CNTN1: variants seen among roughly 807,000 people sequenced by gnomAD.
The protein encoded by CNTN1 is contactin 1, also known as contactin-1.
Under a neutral mutation model 126.4 loss-of-function variants are expected in CNTN1, and 38 were observed. The observed-to-expected ratio is 0.30, with a 90% CI of 0.23 to 0.39. The LOEUF (loss-of-function observed/expected upper bound fraction) is 0.39. CNTN1 is among the 10% of genes least tolerant of loss of function. The probability of loss-of-function intolerance (pLI) is 1.00; values close to 1 mark genes in which losing one functional copy is unlikely to be tolerated. For synonymous variants in CNTN1, 413 were observed against 422.6 expected (o/e 0.98, Z 0.28); for missense variants, 1,009 against 1,248.4 (o/e 0.81, Z 2.89).
chr12:40,926,703 G>T (rs1046143066), intron 6 of CNTN1, among the ~76,000 whole-genome samples: 1 of 151,940 alleles, frequency 6.6e-6, no homozygotes, highest in South Asian at 2.1e-4. Flanking sequence ...GGGCCAGAGT[G>T]GTGGCAGTGG....
At chr12:40,752,018 ATCT>A (rs1285225692) in intron 1 of CNTN1, among the ~76,000 whole-genome samples, 2 of 151,992 alleles carry the variant, frequency 1.3e-5, no homozygotes, top group African/African-American at 4.8e-5. Context: ...AATTTTTTTC[ATCT>A]TCTTGATGTT....
intron 1 of CNTN1, 26 bp from the exon 2 acceptor site, chr12:40,908,328 CCTT>C (rs749092949): frequency 7.7e-5 from 61 of 797,118 alleles, no homozygotes; most frequent in South Asian, 2.6e-4. Context: ...CTAATTCTTT[CCTT>C]CTTCTTCTTT....
chr12:40,780,173 G>T (rs1239136424), intron 1 of CNTN1, among the ~76,000 whole-genome samples: 1 of 151,870 alleles, frequency 6.6e-6, no homozygotes, highest in African/African-American at 2.4e-5. Flanking sequence ...AATTCTCTGT[G>T]AATTTTGTAA....
intron 23 of CNTN1, among the ~76,000 whole-genome samples, chr12:41,032,139 G>T (rs1452755824): frequency 6.6e-6 from 1 of 152,090 alleles, no homozygotes; most frequent in African/African-American, 2.4e-5. Context: ...ATCTCTGCCT[G>T]GCCCTGCTGC....
chr12:40,865,409 A>C (rs1344656044), intron 1 of CNTN1, among the ~76,000 whole-genome samples: 12 of 152,148 alleles, frequency 7.9e-5, no homozygotes, highest in Non-Finnish European at 1.5e-5. Flanking sequence ...CTATGTAAGA[A>C]ATTTTGGCCT....
At chr12:40,703,226 C>T (rs1477453752) in intron 1 of CNTN1, among the ~76,000 whole-genome samples, 1 of 152,016 alleles carries the variant, frequency 6.6e-6, no homozygotes, top group Non-Finnish European at 1.5e-5. Context: ...ATAAATGAAG[C>T]ATAGCTGTGT....
At chr12:40,973,155 G>T (rs1248020833) in intron 15 of CNTN1, among the ~76,000 whole-genome samples, 1 of 151,738 alleles carries the variant, frequency 6.6e-6, no homozygotes, top group Non-Finnish European at 1.5e-5. Flanking sequence ...TTTCTAACTG[G>T]GATCTAAATT....
intron 1 of CNTN1, among the ~76,000 whole-genome samples, chr12:40,730,116 C>A (rs192507803): frequency 6.6e-6 from 1 of 152,284 alleles, no homozygotes; most frequent in African/African-American, 2.4e-5. Context: ...CCTTTCAGTG[C>A]TGTCCCCTCC....
intron 7 of CNTN1, among the ~76,000 whole-genome samples, chr12:40,931,053 A>G (rs889072855): frequency 6.6e-6 from 1 of 151,842 alleles, no homozygotes; most frequent in African/African-American, 2.4e-5. Context: ...CCCTCGCTCA[A>G]GCTAAGTTCT....
At chr12:40,839,294 A>G (rs1942188709) in intron 1 of CNTN1, among the ~76,000 whole-genome samples, 1 of 152,200 alleles carries the variant, frequency 6.6e-6, no homozygotes, top group Non-Finnish European at 1.5e-5. Context: ...ACATAAAACC[A>G]TTGGATAGTC....
chr12:41,025,047 A>G (rs1461568671), intron 20 of CNTN1, 103 bp from the exon 21 acceptor site: 2 of 1,085,794 alleles, frequency 1.8e-6, no homozygotes, highest in African/African-American at 3.1e-5. Context: ...TGAAAATATG[A>G]TGATCAGCCA....
At chr12:40,930,253 C>T (rs1314658992) in intron 7 of CNTN1, among the ~76,000 whole-genome samples, 1 of 151,940 alleles carries the variant, frequency 6.6e-6, no homozygotes, top group Non-Finnish European at 1.5e-5. Flanking sequence ...ACACAGGGGA[C>T]TGATACCTTA....
intron 1 of CNTN1, among the ~76,000 whole-genome samples, chr12:40,842,485 A>G (rs1342262752): frequency 6.6e-6 from 1 of 152,128 alleles, no homozygotes; most frequent in African/African-American, 2.4e-5. Context: ...CATTGTATAT[A>G]GGCATCAAAT....
intron 14 of CNTN1, among the ~76,000 whole-genome samples, chr12:40,956,568 C>A (rs770442438): frequency 3.3e-5 from 5 of 151,880 alleles, no homozygotes; most frequent in Non-Finnish European, 7.4e-5. Flanking sequence ...TTCCAGAAGA[C>A]AAGACAATGT....
intron 17 of CNTN1, among the ~76,000 whole-genome samples, chr12:41,000,133 A>T (rs930614958): frequency 6.6e-6 from 1 of 152,350 alleles, no homozygotes; most frequent in South Asian, 2.1e-4. Context: ...GGAAAGAGAT[A>T]TTCAATCTAA....
chr12:40,714,324 T>C (rs1017672370), intron 1 of CNTN1, among the ~76,000 whole-genome samples: 1 of 152,112 alleles, frequency 6.6e-6, no homozygotes, highest in African/African-American at 2.4e-5. Context: ...GGATAGTAAC[T>C]GTAAATCTTA....
At chr12:40,874,115 C>A (rs1298566436) in intron 1 of CNTN1, among the ~76,000 whole-genome samples, 4 of 152,080 alleles carry the variant, frequency 2.6e-5, no homozygotes, top group African/African-American at 9.7e-5. Flanking sequence ...CTCTACCATT[C>A]CCAACCCATG....
intron 1 of CNTN1, among the ~76,000 whole-genome samples, chr12:40,752,959 T>C (rs913517139): frequency 6.6e-5 from 10 of 152,166 alleles, no homozygotes; most frequent in Admixed American, 6.5e-4. Context: ...ATGATTGGAA[T>C]GTAGAACCTA....
intron 1 of CNTN1, among the ~76,000 whole-genome samples, chr12:40,734,122 T>C (rs147991400): frequency 6.6e-6 from 1 of 152,188 alleles, no homozygotes; most frequent in Non-Finnish European, 1.5e-5. Flanking sequence ...AAATTCAGCT[T>C]TCCAAGCTAA....
Sources: allele counts gnomAD v4.1 joint callset (sites outside exome capture counted in the v4.1 genomes callset), GRCh38; gene constraint gnomAD v4.1.1; transcripts MANE v1.5; gene names NCBI Gene and HGNC (gene_info 2026-07-23, HGNC 2026-07-21).